ZNF385B: variants seen among roughly 807,000 people sequenced by gnomAD.
The protein encoded by ZNF385B is zinc finger protein 385B.
A neutral mutation model predicts 39.2 loss-of-function variants in ZNF385B; 23 were observed. That is an observed-to-expected ratio of 0.59 (90% CI 0.42 to 0.83). ZNF385B has a LOEUF of 0.83. ZNF385B is among the 40% of genes least tolerant of loss of function. The pLI is 0.00. For missense variants in ZNF385B, 552 were observed against 598.9 expected (o/e 0.92, Z 0.82); for synonymous variants, 205 against 222.6 (o/e 0.92, Z 0.70).
intron 6 of ZNF385B, among the ~76,000 whole-genome samples, chr2:179,478,388 C>T (rs1028621790): frequency 3.9e-5 from 6 of 152,136 alleles, no homozygotes; most frequent in African/African-American, 1.2e-4. Context: ...ATATCAAGTT[C>T]GTTGCATGAA....
chr2:179,697,490 C>G (rs1457587878), intron 3 of ZNF385B, among the ~76,000 whole-genome samples: 1 of 152,144 alleles, frequency 6.6e-6, no homozygotes, highest in Non-Finnish European at 1.5e-5. Flanking sequence ...TGAGGCTTAC[C>G]CAGCCATGCT....
rs139635466 is a variant in ZNF385B at position 179,620,283 on chromosome 2, C to T, written c.299-75314G>A. 1.1e-3 allele frequency among the ~76,000 whole-genome samples: 164 copies of T among 152,288 alleles called. 2 individuals carry two copies. The highest frequency in any genetic ancestry group is 8.7e-3 in the South Asian group (42 of 4,826). On this transcript the variant is annotated intron_variant, in intron 3 of 9. Coordinates refer to ENST00000410066, the MANE Select transcript of ZNF385B (RefSeq NM_152520.6). ...TCCTCTCACTTGTAACTTGTTGACT[C>T]CTATCTATAAAAGTCTAATGCAACA...
chr2:179,739,081 T>C (rs1300700250), intron 3 of ZNF385B, among the ~76,000 whole-genome samples: 1 of 152,220 alleles, frequency 6.6e-6, no homozygotes, highest in Non-Finnish European at 1.5e-5. Flanking sequence ...GCTAGATTAC[T>C]TTGGGAAGGT....
intron 3 of ZNF385B, among the ~76,000 whole-genome samples, chr2:179,577,223 G>T (rs1685935207): frequency 6.6e-6 from 1 of 151,844 alleles, no homozygotes; most frequent in African/African-American, 2.4e-5. Context: ...TGGACTAAAG[G>T]GATCTTATTT....
chr2:179,520,557 C>T (rs2058412267), intron 4 of ZNF385B, among the ~76,000 whole-genome samples: 1 of 152,104 alleles, frequency 6.6e-6, no homozygotes, highest in African/African-American at 2.4e-5. Context: ...TATCTATTTG[C>T]AAAATAGGAA....
chr2:179,534,211 C>T (rs910689682), intron 4 of ZNF385B, among the ~76,000 whole-genome samples: 1 of 152,140 alleles, frequency 6.6e-6, no homozygotes, highest in Non-Finnish European at 1.5e-5. Flanking sequence ...ATATATATAT[C>T]TTTAGCATCT....
chr2:179,579,861 T>C (rs1287005036), intron 3 of ZNF385B, among the ~76,000 whole-genome samples: 1 of 152,170 alleles, frequency 6.6e-6, no homozygotes, highest in African/African-American at 2.4e-5. Flanking sequence ...GTGGACTCTA[T>C]TATTTGCATG....
chr2:179,588,348 C>T (rs1460933499), intron 3 of ZNF385B, among the ~76,000 whole-genome samples: 2 of 152,008 alleles, frequency 1.3e-5, no homozygotes, highest in Non-Finnish European at 2.9e-5. Context: ...TCGTCCTCCC[C>T]CTTCTCTCTT....
chr2:179,475,251 ATTTTTTT>A (rs767500606), intron 6 of ZNF385B, among the ~76,000 whole-genome samples: 2 of 136,966 alleles, frequency 1.5e-5, no homozygotes, highest in Non-Finnish European at 3.1e-5. Context: ...TTATCGCACA[ATTTTTTT>A]TTTTTTTTTT....
chr2:179,751,000 T>C (rs1702636022), intron 3 of ZNF385B, among the ~76,000 whole-genome samples: 1 of 152,254 alleles, frequency 6.6e-6, no homozygotes, highest in African/African-American at 2.4e-5. Flanking sequence ...TGTCTCTAAA[T>C]CTGTCATGCA....
chr2:179,859,330 T>C (rs1457536649), intron 1 of ZNF385B, among the ~76,000 whole-genome samples: 1 of 152,218 alleles, frequency 6.6e-6, no homozygotes, highest in Non-Finnish European at 1.5e-5. Flanking sequence ...TGAATCTGTA[T>C]ATTGTTAAAA....
At chr2:179,443,570 T>A in intron 9 of ZNF385B, 102 bp from the exon 10 acceptor site, 2 of 917,684 alleles carry the variant, frequency 2.2e-6, no homozygotes, top group Non-Finnish European at 3.4e-6. Flanking sequence ...TAAGAAGTCT[T>A]AAATTTTGAA....
chr2:179,471,304 T>C (rs1428201189), intron 6 of ZNF385B, among the ~76,000 whole-genome samples: 2 of 152,142 alleles, frequency 1.3e-5, no homozygotes, highest in Non-Finnish European at 2.9e-5. Context: ...CATTAGAAGT[T>C]ATTATAAAAA....
intron 3 of ZNF385B, among the ~76,000 whole-genome samples, chr2:179,592,758 C>T (rs1687674319): frequency 6.6e-6 from 1 of 152,064 alleles, no homozygotes; most frequent in Non-Finnish European, 1.5e-5. Flanking sequence ...GTTAGTTCTA[C>T]TTGAAGGCCG....
At chr2:179,582,011 C>T (rs1380516942) in intron 3 of ZNF385B, among the ~76,000 whole-genome samples, 2 of 152,178 alleles carry the variant, frequency 1.3e-5, no homozygotes, top group Non-Finnish European at 2.9e-5. Context: ...CCTGTATTTT[C>T]ATTAATAGAG....
At chr2:179,843,374 T>C (rs1262321475) in intron 1 of ZNF385B, among the ~76,000 whole-genome samples, 3 of 152,226 alleles carry the variant, frequency 2.0e-5, no homozygotes, top group African/African-American at 7.2e-5. Context: ...CGGAACTTCT[T>C]TCTTCGTACC....
chr2:179,706,139 G>T (rs1405795731), intron 3 of ZNF385B, among the ~76,000 whole-genome samples: 25 of 152,136 alleles, frequency 1.6e-4, no homozygotes, highest in Non-Finnish European at 2.9e-5. Flanking sequence ...TTATTTACGG[G>T]GAATACCAGA....
rs1395014001 is a variant in ZNF385B at position 179,542,667 on chromosome 2, C to T, written c.441+2160G>A. 2.0e-5 allele frequency among the ~76,000 whole-genome samples: 3 copies of T among 151,916 alleles called. No homozygotes were observed. In the South Asian group the frequency reaches 6.2e-4, roughly 31 times the overall value. On this transcript the variant is annotated intron_variant, in intron 4 of 9. Coordinates refer to ENST00000410066, the MANE Select transcript of ZNF385B (RefSeq NM_152520.6). ...AGGTATTCTCTCCATTTTTGTTTTA[C>T]AGCTCTTCAAAACAGAGAGGCAGAT...
intron 3 of ZNF385B, among the ~76,000 whole-genome samples, chr2:179,546,467 C>T (rs1250007431): frequency 1.3e-5 from 2 of 152,180 alleles, no homozygotes; most frequent in African/African-American, 2.4e-5. Context: ...TAAGTGGGAA[C>T]ATGTGAAGTT....
Sources: allele counts gnomAD v4.1 joint callset (sites outside exome capture counted in the v4.1 genomes callset), GRCh38; gene constraint gnomAD v4.1.1; transcripts MANE v1.5; gene names NCBI Gene and HGNC (gene_info 2026-07-23, HGNC 2026-07-21).